SGSM1: variants seen among roughly 807,000 people sequenced by gnomAD.
The protein encoded by SGSM1 is RUN and TBC1 domain containing 2.
A neutral mutation model predicts 133.8 loss-of-function variants in SGSM1; 73 were observed. That is an observed-to-expected ratio of 0.55 (90% CI 0.45 to 0.66). The LOEUF is 0.66. SGSM1 is among the 30% of genes least tolerant of loss of function. The pLI, the probability that SGSM1 is intolerant of heterozygous loss-of-function variation, is 0.00. For synonymous variants in SGSM1, 563 were observed against 573.0 expected (o/e 0.98, Z 0.25); for missense variants, 1,213 against 1,448.1 (o/e 0.84, Z 2.64).
At chr22:24,880,078 A>AACAAGCAGGTT (rs1268311263) in intron 14 of SGSM1, among the ~76,000 whole-genome samples, 7 of 152,182 alleles carry the variant, frequency 4.6e-5, no homozygotes, top group African/African-American at 1.7e-4. Context: ...AACAAGCAGT[A>AACAAGCAGGTT]GAGCTGAGAC....
chr22:24,898,755 C>T (rs1016492236), intron 19 of SGSM1, among the ~76,000 whole-genome samples, 196 bp downstream of exon 19: 4 of 152,062 alleles, frequency 2.6e-5, no homozygotes, highest in Non-Finnish European at 1.5e-5. Context: ...GGGCTGGGCA[C>T]TGTGGCTCAC....
At chr22:24,891,646 G>GAC (rs1932815953) in intron 16 of SGSM1, among the ~76,000 whole-genome samples, 2 of 152,152 alleles carry the variant, frequency 1.3e-5, no homozygotes, top group Non-Finnish European at 2.9e-5. Context: ...CAGAGCTGGG[G>GAC]ATGCAGAAGC....
intron 2 of SGSM1, among the ~76,000 whole-genome samples, chr22:24,839,920 C>T (rs1471091723): frequency 7.1e-6 from 1 of 140,224 alleles, no homozygotes; most frequent in Non-Finnish European, 1.5e-5. Context: ...ATCTTTTGGA[C>T]AAACCATCTC....
intron 2 of SGSM1, chr22:24,843,598 C>T (rs1929926878): frequency 6.6e-6 from 1 of 152,242 alleles, no homozygotes; most frequent in Admixed American, 6.5e-5. Context: ...TTCCAACCTC[C>T]TCAACCTCAA....
intron 9 of SGSM1, among the ~76,000 whole-genome samples, chr22:24,865,955 A>G (rs1319537695): frequency 6.6e-6 from 1 of 152,184 alleles, no homozygotes; most frequent in African/African-American, 2.4e-5. Context: ...GCCTAACGGA[A>G]GCCTGGCTTT....
Position 24,879,657 on chromosome 22 carries a change from T to C in SGSM1, c.1495+131T>C, listed in dbSNP as rs901479312. On this transcript the variant is annotated intron_variant, in intron 14 of 24. Coordinates refer to ENST00000400358, the MANE Select transcript of SGSM1 (RefSeq NM_001098497.3). The stretch of plus-strand genomic sequence containing the variant: ...CTCCTCTATTCCCTAGATGTCTGGT[T>C]TCAGTGACGTTACATGAACTTCTCT... 4 of 867,606 alleles carry C rather than the reference T, an allele frequency of 4.6e-6. No individual in the cohort carries two copies. The African/African-American group carries it at 6.8e-5, about 15-fold the overall frequency. 53.7% of individuals were successfully genotyped at this position (867,606 alleles called of 1,614,324 possible). A position where few individuals can be genotyped will look rare whatever the true frequency, so the allele number is the denominator to read the frequency against.
chr22:24,896,705 G>A (rs935584483), intron 18 of SGSM1, among the ~76,000 whole-genome samples: 2 of 151,406 alleles, frequency 1.3e-5, no homozygotes, highest in East Asian at 1.9e-4. Context: ...GGCTGGGCAC[G>A]GTGGCTCATG....
rs753474103 is a variant in SGSM1 at position 24,879,417 on chromosome 22, G to A, written c.1431-45G>A. On this transcript the variant is annotated intron_variant, in intron 13 of 24. Transcript: ENST00000400358. ...TTATCCTCTCCAGAAAATCTGGGCT[G>A]TGTTTGGATCTATTCTAAGCATCTC... 3.8e-6 allele frequency: 6 copies of A among 1,597,888 alleles called. No homozygotes were observed. In the African/African-American group the frequency reaches 6.7e-5, roughly 18 times the overall value.
intron 2 of SGSM1, among the ~76,000 whole-genome samples, chr22:24,841,854 C>T (rs959990870): frequency 6.6e-6 from 1 of 152,196 alleles, no homozygotes; most frequent in African/African-American, 2.4e-5. Context: ...CTCTGCCTCC[C>T]AAGTACTGTT....
In SGSM1 at chr22:24,806,297, C is replaced by G; in HGVS notation, c.-29C>G. On this transcript the variant is annotated 5_prime_UTR_variant, in exon 1 of 25. Coordinates refer to ENST00000400358, the MANE Select transcript of SGSM1 (RefSeq NM_001098497.3). Reference sequence around the variant, plus strand: ...CCGCCGCCACCGCCGCCACCGCCTCCTGGGACTCGGAACGCAGCGCTCGGA... The same window carrying G: ...CCGCCGCCACCGCCGCCACCGCCTCGTGGGACTCGGAACGCAGCGCTCGGA... 7.0e-7 allele frequency: 1 copy of G among 1,432,018 alleles called. No individual in the cohort carries two copies. 88.7% of individuals were successfully genotyped at this position (1,432,018 alleles called of 1,614,324 possible). A position where few individuals can be genotyped will look rare whatever the true frequency, so the allele number is the denominator to read the frequency against.
intron 2 of SGSM1, among the ~76,000 whole-genome samples, chr22:24,818,960 C>T (rs539333957): frequency 6.6e-6 from 1 of 151,992 alleles, no homozygotes; most frequent in South Asian, 2.1e-4. Flanking sequence ...TCCTGGCTAA[C>T]ATGATGAAAC....
intron 13 of SGSM1, among the ~76,000 whole-genome samples, chr22:24,878,935 T>G (rs73155797): frequency 0.019 from 2,915 of 152,326 alleles, 57 homozygotes; most frequent in East Asian, 0.091. Context: ...CATGGCTGGA[T>G]ACAGATGATC....
intron 2 of SGSM1, among the ~76,000 whole-genome samples, chr22:24,834,183 G>A (rs185546922): frequency 3.9e-5 from 6 of 152,370 alleles, no homozygotes; most frequent in Non-Finnish European, 8.8e-5. Flanking sequence ...GCCAGCCACT[G>A]TGTATGGGAG....
At chr22:24,866,059 G>A (rs530095097) in intron 9 of SGSM1, among the ~76,000 whole-genome samples, 2 of 152,290 alleles carry the variant, frequency 1.3e-5, no homozygotes, top group South Asian at 4.1e-4. Context: ...TGTGAGTGGT[G>A]CATTTCCATG....
chr22:24,814,269 A>AAAAAC (rs148204768), intron 2 of SGSM1: 13 of 150,730 alleles, frequency 8.6e-5, no homozygotes, highest in African/African-American at 1.5e-4. Flanking sequence ...TAAAGATTAA[A>AAAAAC]AAAACAAAAC....
chr22:24,895,435 G>T lies in SGSM1; in HGVS notation c.2022+144G>T, dbSNP rs796661078. 1.0e-5 allele frequency: 9 copies of T among 868,964 alleles called. No homozygotes were observed. In the African/African-American group the frequency reaches 1.5e-4, roughly 15 times the overall value. The allele number at this position is 868,964 out of a possible 1,614,324, so 53.8% of individuals were successfully genotyped here. Reference sequence around the variant, plus strand: ...ATATTAGCATTAAACATTGTTTTTTGTTTTTTGTTTAGTAATGCAAGAAAT... The same window carrying T: ...ATATTAGCATTAAACATTGTTTTTTTTTTTTTGTTTAGTAATGCAAGAAAT... On this transcript the variant is annotated intron_variant, in intron 18 of 24. Coordinates refer to ENST00000400358, the MANE Select transcript of SGSM1 (RefSeq NM_001098497.3).
At chr22:24,882,854 T>A (rs2123668218) in intron 14 of SGSM1, among the ~76,000 whole-genome samples, 1 of 152,304 alleles carries the variant, frequency 6.6e-6, no homozygotes. Context: ...TTTTCATGGC[T>A]GAATAATATT....
intron 9 of SGSM1, among the ~76,000 whole-genome samples, chr22:24,862,926 A>G (rs1931236642): frequency 6.6e-6 from 1 of 152,076 alleles, no homozygotes; most frequent in Admixed American, 6.6e-5. Flanking sequence ...GGCTTCTCAA[A>G]CACTGAAGCG....
At position 24,846,820 on chromosome 22, in the gene SGSM1, G is replaced by T. The variant is rs555620150; in HGVS notation, c.140-814G>T. 4.6e-5 allele frequency among the ~76,000 whole-genome samples: 7 copies of T among 151,520 alleles called. No individual in the cohort carries two copies. In the East Asian group the frequency reaches 1.2e-3, roughly 25 times the overall value. Reference sequence around the variant, plus strand: ...TCTATGGGCAGATTAGGCAATATTTGTTTTTTTGTTTGTTTGTTTTTTGGG... The same window carrying T: ...TCTATGGGCAGATTAGGCAATATTTTTTTTTTTGTTTGTTTGTTTTTTGGG... On this transcript the variant is annotated intron_variant, in intron 3 of 24. Coordinates refer to ENST00000400358, the MANE Select transcript of SGSM1 (RefSeq NM_001098497.3).
Sources: gnomAD v4.1 joint callset for allele counts (sites outside exome capture counted in the v4.1 genomes callset) on GRCh38, gnomAD v4.1.1 for gene constraint, MANE v1.5 for transcripts, NCBI Gene and HGNC (gene_info 2026-07-23, HGNC 2026-07-21) for gene names.